The following NSL1 variants were observed in gnomAD, a reference collection of about 807,000 sequenced individuals.
NSL1 encodes kinetochore-associated protein NSL1 homolog.
A neutral mutation model predicts 25.4 loss-of-function variants in NSL1; 11 were observed. The ratio of observed to expected loss-of-function variants is 0.43; its 90% CI spans 0.27 to 0.72. The LOEUF (loss-of-function observed/expected upper bound fraction) is 0.72. Among genes scored for constraint, NSL1 ranks in the 30% least tolerant of loss-of-function variants. The pLI is 0.19. For synonymous variants in NSL1, 118 were observed against 120.6 expected (o/e 0.98, Z 0.14); for missense variants, 330 against 342.7 (o/e 0.96, Z 0.29).
At position 212,734,157 on chromosome 1, in the gene NSL1, C is replaced by T. The variant is rs368181629; in HGVS notation, c.*4251G>A. ...TGATTTTCTCTTCTTTCTGGGAGTA[C>T]AGTCATCATTCTGGGATTTTGCTTT... On this transcript the variant is annotated 3_prime_UTR_variant, in exon 6 of 6. Transcript: ENST00000366977. Among the ~76,000 whole-genome samples, 1 of 152,118 alleles carries T rather than the reference C, an allele frequency of 6.6e-6. No individual in the cohort carries two copies. The highest frequency in any genetic ancestry group is 2.1e-4 in the South Asian group (1 of 4,830).
chr1:212,784,468 ATCT>A lies in NSL1; in HGVS notation c.336_338del (p.Glu112del). On this transcript the variant is annotated inframe_deletion, in exon 3 of 6. Transcript: ENST00000366977. ...TATCTACTATGATTTCATCAAACTGATCTTCAAGTACTTTGATGTCAGAATCTA... is the reference window on the plus strand; with the variant it reads ...TATCTACTATGATTTCATCAAACTGATCAAGTACTTTGATGTCAGAATCTA... 6.4e-7 allele frequency: 1 copy of A among 1,571,302 alleles called. No individual in the cohort carries two copies. The highest frequency in any genetic ancestry group is 8.7e-7 in the Non-Finnish European group (1 of 1,150,690).
At chr1:212,738,774 T>C (rs957595667) in intron 5 of NSL1, 88 bp from the exon 6 acceptor site, 1 of 1,183,480 alleles carries the variant, frequency 8.4e-7, no homozygotes, top group Admixed American at 2.6e-5. Flanking sequence ...TAATTTTTTT[T>C]TTTTTTCTTG....
At position 212,734,282 on chromosome 1, in the gene NSL1, A is replaced by G. The variant is rs1658145101; in HGVS notation, c.*4126T>C. On this transcript the variant is annotated 3_prime_UTR_variant, in exon 6 of 6. Coordinates refer to ENST00000366977, the MANE Select transcript of NSL1 (RefSeq NM_015471.4). Reference sequence around the variant, plus strand: ...ATCGAGGGCCCATCATGTGCCAGCAATTATTCCAGGTGGATGGAACAAAGA... The same window carrying G: ...ATCGAGGGCCCATCATGTGCCAGCAGTTATTCCAGGTGGATGGAACAAAGA... Among the ~76,000 whole-genome samples the G allele has an allele frequency of 6.6e-6, 1 of 152,190 alleles. No individual in the cohort carries two copies. The highest frequency in any genetic ancestry group is 1.5e-5 in the Non-Finnish European group (1 of 68,028).
chr1:212,755,067 G>T (rs777224880), intron 4 of NSL1, among the ~76,000 whole-genome samples: 5 of 150,518 alleles, frequency 3.3e-5, no homozygotes, highest in Non-Finnish European at 5.9e-5. Flanking sequence ...AGAAGCACTT[G>T]CAAATCAAAA....
chr1:212,764,964 T>C (rs969510378), intron 4 of NSL1, among the ~76,000 whole-genome samples: 18 of 150,454 alleles, frequency 1.2e-4, no homozygotes, highest in Admixed American at 1.0e-3. Context: ...CACCTTTATG[T>C]GCACAAACTA....
At chr1:212,746,999 G>T (rs1658825393) in intron 4 of NSL1, among the ~76,000 whole-genome samples, 1 of 152,118 alleles carries the variant, frequency 6.6e-6, no homozygotes, top group Admixed American at 6.6e-5. Flanking sequence ...ACAAAAATTA[G>T]CCAGGCATGG....
At position 212,727,107 on chromosome 1, in the gene NSL1, C is replaced by G. The variant is rs1286890087; in HGVS notation, c.*11301G>C. ...CTTCATCTTGCCAGTTCACCAGAGG[C>G]AGAAGGGATGAAGGTTCCCCGATCC... On this transcript the variant is annotated 3_prime_UTR_variant, in exon 6 of 6. Transcript: ENST00000366977. The G allele has an allele frequency of 5.1e-6, 8 of 1,558,646 alleles. No individual in the cohort carries two copies. Among genetic ancestry groups the G allele is most frequent in the Non-Finnish European group, 6.9e-6 (8 of 1,152,084 alleles).
At chr1:212,791,414 T>C in intron 1 of NSL1, 116 bp downstream of exon 1, 2 of 914,574 alleles carry the variant, frequency 2.2e-6, no homozygotes, top group African/African-American at 1.7e-5. Context: ...GGTTCTACAG[T>C]AGCCTGGGGC....
At chr1:212,784,523 A>G (rs1250138831) in intron 2 of NSL1, 30 bp from the exon 3 acceptor site, 5 of 1,400,234 alleles carry the variant, frequency 3.6e-6, no homozygotes, top group Non-Finnish European at 3.9e-6. Flanking sequence ...GTATATATAA[A>G]AAGTTCCCTA....
chr1:212,745,338 C>A (rs1382690562), intron 4 of NSL1, among the ~76,000 whole-genome samples: 1 of 151,760 alleles, frequency 6.6e-6, no homozygotes, highest in African/African-American at 2.4e-5. Flanking sequence ...AGAAGCTCAA[C>A]AAACTCCAAG....
rs879913012 is a variant in NSL1, at chr1:212,733,289, G to A, written c.*5119C>T. On this transcript the variant is annotated 3_prime_UTR_variant, in exon 6 of 6. Transcript: ENST00000366977. The stretch of plus-strand genomic sequence containing the variant: ...TCTACAAAAAATACAAAAATTAGCT[G>A]GGCATGATGGTGCATGCCTATAGTC... 2.0e-5 allele frequency among the ~76,000 whole-genome samples: 3 copies of A among 152,076 alleles called. No individual in the cohort carries two copies. Among genetic ancestry groups the A allele is most frequent in the Admixed American group, 6.6e-5 (1 of 15,250 alleles).
intron 4 of NSL1, among the ~76,000 whole-genome samples, chr1:212,756,696 T>C (rs1659325214): frequency 6.6e-6 from 1 of 152,096 alleles, no homozygotes; most frequent in East Asian, 1.9e-4. Flanking sequence ...GGCGGGTGCC[T>C]GTAATCCCAG....
chr1:212,772,543 A>G (rs1214775814), intron 4 of NSL1, among the ~76,000 whole-genome samples: 13 of 151,940 alleles, frequency 8.6e-5, no homozygotes, highest in Non-Finnish European at 1.0e-4. Context: ...TGGGTGTGGT[A>G]GTGTGCACCT....
chr1:212,777,876 A>G (rs1489358333), intron 4 of NSL1, among the ~76,000 whole-genome samples: 1 of 152,242 alleles, frequency 6.6e-6, no homozygotes, highest in East Asian at 1.9e-4. Context: ...AATATGTGAA[A>G]TATTTCGAAG....
intron 2 of NSL1, among the ~76,000 whole-genome samples, chr1:212,785,729 T>C (rs1010737754): frequency 6.6e-6 from 1 of 152,176 alleles, no homozygotes; most frequent in Admixed American, 6.5e-5. Context: ...AAATACTAAG[T>C]AGTTACAAAT....
At chr1:212,784,276 G>T (rs902182853) in intron 3 of NSL1, 87 bp downstream of exon 3, 3 of 863,582 alleles carry the variant, frequency 3.5e-6, no homozygotes, top group Admixed American at 2.6e-5. Context: ...ACAACAAAAT[G>T]TCACTTATCT....
intron 4 of NSL1, among the ~76,000 whole-genome samples, chr1:212,771,710 C>T (rs1660125941): frequency 6.6e-6 from 1 of 150,628 alleles, no homozygotes; most frequent in Admixed American, 6.6e-5. Context: ...TTCTATACAC[C>T]AATAATGAAC....
At chr1:212,779,004 G>A (rs1419419931) in intron 4 of NSL1, among the ~76,000 whole-genome samples, 1 of 149,802 alleles carries the variant, frequency 6.7e-6, no homozygotes, top group Non-Finnish European at 1.5e-5. Context: ...GAGCGTCTCT[G>A]CCCGGCCGCC....
intron 4 of NSL1, among the ~76,000 whole-genome samples, chr1:212,775,890 C>T (rs936192026): frequency 2.0e-5 from 3 of 151,342 alleles, no homozygotes; most frequent in Non-Finnish European, 2.9e-5. Flanking sequence ...TGCAGTGGCG[C>T]GATCTCGGCT....
Sources: allele counts gnomAD v4.1 joint callset (sites outside exome capture counted in the v4.1 genomes callset), GRCh38; gene constraint gnomAD v4.1.1; transcripts MANE v1.5; gene names NCBI Gene and HGNC (gene_info 2026-07-23, HGNC 2026-07-21).